Variants in ABCA13 observed in about 807,000 individuals in gnomAD.
ABCA13 encodes the protein ATP-binding cassette sub-family A member 13.
In ABCA13, 476 loss-of-function variants were observed where a neutral mutation model predicts 478.7. The ratio of observed to expected loss-of-function variants is 0.99; its 90% CI spans 0.92 to 1.07. ABCA13 has a LOEUF of 1.07. ABCA13 is among the 50% of genes least tolerant of loss of function. The probability of loss-of-function intolerance (pLI) is 0.00; values close to 1 mark genes in which losing one functional copy is unlikely to be tolerated. For synonymous variants in ABCA13, 2,252 were observed against 2,158.9 expected (o/e 1.04, Z -1.20); for missense variants, 6,060 against 5,910.6 (o/e 1.03, Z -0.83).
chr7:48,602,484 C>G (rs919252154), intron 58 of ABCA13, among the ~76,000 whole-genome samples: 1 of 152,142 alleles, frequency 6.6e-6, no homozygotes, highest in African/African-American at 2.4e-5. Flanking sequence ...ATAGGGAATT[C>G]TTTCCCCATT....
intron 44 of ABCA13, among the ~76,000 whole-genome samples, chr7:48,469,541 T>C (rs1180370420): frequency 6.6e-6 from 1 of 150,784 alleles, no homozygotes; most frequent in Non-Finnish European, 1.5e-5. Context: ...AACAGTCACC[T>C]CAATGGCAGG....
At chr7:48,487,979 G>C (rs919082455) in intron 47 of ABCA13, among the ~76,000 whole-genome samples, 3 of 152,086 alleles carry the variant, frequency 2.0e-5, no homozygotes, top group East Asian at 3.9e-4. Context: ...TAGTTTTTTT[G>C]TTTGTTTGTT....
At chr7:48,227,117 T>C in intron 5 of ABCA13, 145 bp from the exon 6 acceptor site, 1 of 739,228 alleles carries the variant, frequency 1.4e-6, no homozygotes, top group Non-Finnish European at 2.2e-6. Context: ...GATTGGCAAA[T>C]CTGTTCAATG....
At chr7:48,512,443 A>G (rs1053497610) in intron 51 of ABCA13, among the ~76,000 whole-genome samples, 2 of 152,148 alleles carry the variant, frequency 1.3e-5, no homozygotes, top group African/African-American at 4.8e-5. Context: ...TAGTAGACAT[A>G]TATTTATTAT....
intron 29 of ABCA13, among the ~76,000 whole-genome samples, chr7:48,350,079 C>T (rs931828435): frequency 1.3e-5 from 2 of 152,174 alleles, no homozygotes; most frequent in East Asian, 1.9e-4. Context: ...CAAGGTGTTG[C>T]GACTTTACTC....
chr7:48,507,246 A>T (rs1448544615), intron 49 of ABCA13, among the ~76,000 whole-genome samples: 2 of 152,204 alleles, frequency 1.3e-5, no homozygotes, highest in African/African-American at 4.8e-5. Context: ...TGTGCTGAGG[A>T]GTTCCATCGT....
At chr7:48,616,067 A>C (rs942029711) in intron 59 of ABCA13, among the ~76,000 whole-genome samples, 5 of 124,680 alleles carry the variant, frequency 4.0e-5, no homozygotes, top group African/African-American at 1.8e-4. Flanking sequence ...TGATTTGTTT[A>C]ACCTGTCATT....
intron 59 of ABCA13, among the ~76,000 whole-genome samples, chr7:48,618,408 G>A (rs1484613448): frequency 6.6e-5 from 10 of 152,176 alleles, no homozygotes; most frequent in Non-Finnish European, 4.4e-5. Flanking sequence ...TTCCTGGACT[G>A]ACCTCATCCT....
intron 26 of ABCA13, among the ~76,000 whole-genome samples, chr7:48,316,539 A>T (rs535951346): frequency 6.6e-6 from 1 of 152,342 alleles, no homozygotes; most frequent in South Asian, 2.1e-4. Context: ...GAGCTGCTGA[A>T]AACTATAACA....
At chr7:48,491,436 T>A (rs1216242274) in intron 48 of ABCA13, among the ~76,000 whole-genome samples, 1 of 152,118 alleles carries the variant, frequency 6.6e-6, no homozygotes, top group East Asian at 1.9e-4. Flanking sequence ...GAATTTCACA[T>A]GGATGGGCAG....
chr7:48,214,953 G>C (rs969915196), intron 3 of ABCA13, among the ~76,000 whole-genome samples: 4 of 152,034 alleles, frequency 2.6e-5, no homozygotes. Context: ...TTAACTGCTT[G>C]GTGAAAAAGT....
intron 42 of ABCA13, among the ~76,000 whole-genome samples, 185 bp downstream of exon 42, chr7:48,428,056 GAA>G (rs34529024): frequency 0.28 from 41,513 of 147,080 alleles, 5,834 homozygotes; most frequent in East Asian, 0.37. Context: ...ATCCTGGCTT[GAA>G]AAAAAAAAAC....
intron 59 of ABCA13, among the ~76,000 whole-genome samples, chr7:48,642,264 GTCCCCTGTCTT>G (rs1795149854): frequency 6.6e-6 from 1 of 152,138 alleles, no homozygotes; most frequent in South Asian, 2.1e-4. Context: ...ATTGTCTTGG[GTCCCCTGTCTT>G]TACCAGACAG....
intron 3 of ABCA13, among the ~76,000 whole-genome samples, chr7:48,216,630 C>T (rs1786523830): frequency 6.6e-6 from 1 of 151,626 alleles, no homozygotes; most frequent in Non-Finnish European, 1.5e-5. Context: ...GTTGTTTGTG[C>T]TTTTGGTGTC....
At chr7:48,586,002 G>A (rs1325496148) in intron 56 of ABCA13, among the ~76,000 whole-genome samples, 2 of 152,146 alleles carry the variant, frequency 1.3e-5, no homozygotes, top group South Asian at 2.1e-4. Flanking sequence ...GTGTTCTATA[G>A]ACACATATAA....
chr7:48,364,176 G>A (rs10223929), intron 31 of ABCA13, among the ~76,000 whole-genome samples: 9,514 of 152,186 alleles, frequency 0.063, 428 homozygotes, highest in Non-Finnish European at 0.096. Context: ...CAAAGATAGA[G>A]TGCTTCCTGA....
chr7:48,403,020 G>C (rs866740312), intron 38 of ABCA13, among the ~76,000 whole-genome samples: 7 of 152,246 alleles, frequency 4.6e-5, no homozygotes, highest in African/African-American at 1.2e-4. Flanking sequence ...TTATTTGTGA[G>C]AAAAGAGAGT....
chr7:48,547,949 G>A (rs1784967777), intron 55 of ABCA13, among the ~76,000 whole-genome samples: 1 of 151,868 alleles, frequency 6.6e-6, no homozygotes, highest in Non-Finnish European at 1.5e-5. Context: ...CCTAAGTTGA[G>A]AAGCATTTGT....
At position 48,563,797 on chromosome 7, in the gene ABCA13, TGTGTGTGTG is replaced by T. The variant is rs1563442545; in HGVS notation, c.14355-16426_14355-16418del. 2.0e-3 allele frequency among the ~76,000 whole-genome samples: 78 copies of T among 39,164 alleles called. 1 individual carries two copies. The highest frequency in any genetic ancestry group is 4.4e-3 in the African/African-American group (75 of 17,046). 25.7% of individuals were successfully genotyped at this position (39,164 alleles called of 152,430 possible). A position where few individuals can be genotyped will look rare whatever the true frequency, so the allele number is the denominator to read the frequency against. On this transcript the variant is annotated intron_variant, in intron 55 of 61. Transcript: ENST00000435803. ...TTTTGTTGTTTTTGTTTACTGCTTG[TGTGTGTGTG>T]TGTGTGTGTGTGTGTGTGTGTGTGT...
Sources: allele counts gnomAD v4.1 joint callset (sites outside exome capture counted in the v4.1 genomes callset), GRCh38; gene constraint gnomAD v4.1.1; transcripts MANE v1.5; gene names NCBI Gene and HGNC (gene_info 2026-07-23, HGNC 2026-07-21).